SLC26A7: variants seen among roughly 807,000 people sequenced by gnomAD.
SLC26A7 encodes the protein anion exchange transporter.
SLC26A7 carries 59 observed loss-of-function variants against 82.5 expected under a neutral mutation model. That is an observed-to-expected ratio of 0.72 (90% confidence interval 0.58 to 0.89). SLC26A7 has a LOEUF of 0.89. Ranked by LOEUF, SLC26A7 falls within the 40% of genes least tolerant of loss-of-function variation. The pLI is 0.00. For missense variants in SLC26A7, 820 were observed against 793.0 expected, an observed-to-expected ratio of 1.03 and a Z score of -0.41; for synonymous variants, 271 against 274.3, an observed-to-expected ratio of 0.99 and a Z score of 0.12.
At chr8:91,372,687 TC>T (rs1226788597) in intron 15 of SLC26A7, among the ~76,000 whole-genome samples, 1 of 152,084 alleles carries the variant, frequency 6.6e-6, no homozygotes, top group Admixed American at 6.6e-5. Flanking sequence ...TTTATTCTTT[TC>T]CCTTTAGGGT....
intron 4 of SLC26A7, among the ~76,000 whole-genome samples, chr8:91,317,302 T>C (rs1426296670): frequency 6.6e-6 from 1 of 152,184 alleles, no homozygotes; most frequent in Non-Finnish European, 1.5e-5. Flanking sequence ...AGATGGAGGA[T>C]GTTGCTATGA....
intron 15 of SLC26A7, among the ~76,000 whole-genome samples, chr8:91,381,297 C>A (rs1814664445): frequency 6.6e-6 from 1 of 151,932 alleles, no homozygotes; most frequent in Admixed American, 6.6e-5. Flanking sequence ...AGTATAATAT[C>A]AATTGAATTA....
Position 91,331,771 on chromosome 8 carries a change from G to C in SLC26A7, c.643-2524G>C, listed in dbSNP as rs926430188. 1.3e-5 allele frequency among the ~76,000 whole-genome samples: 2 copies of C among 151,952 alleles called. 1 individual carries two copies. Among genetic ancestry groups the C allele is most frequent in the South Asian group, 4.1e-4 (2 of 4,824 alleles). On this transcript the variant is annotated intron_variant, in intron 5 of 18. Transcript: ENST00000276609. Reference sequence around the variant, plus strand: ...GTATTGCAACAATTTATACTCACAAGGGCATGTAAAAGAGTTCCCATTACT... The same window carrying C: ...GTATTGCAACAATTTATACTCACAACGGCATGTAAAAGAGTTCCCATTACT...
At chr8:91,286,102 G>T (rs1811702517) in intron 2 of SLC26A7, among the ~76,000 whole-genome samples, 1 of 152,124 alleles carries the variant, frequency 6.6e-6, no homozygotes, top group Non-Finnish European at 1.5e-5. Context: ...ATTATAGTAG[G>T]AGCAGAGCCA....
intron 7 of SLC26A7, among the ~76,000 whole-genome samples, chr8:91,339,434 G>A (rs1051619245): frequency 6.6e-6 from 1 of 152,092 alleles, no homozygotes. Flanking sequence ...TTCACCTTGT[G>A]ATGTTAAATA....
intron 4 of SLC26A7, among the ~76,000 whole-genome samples, chr8:91,311,825 A>G (rs1234283542): frequency 6.6e-6 from 1 of 152,074 alleles, no homozygotes; most frequent in African/African-American, 2.4e-5. Flanking sequence ...CAGGTAGGGG[A>G]ATTATTAACT....
chr8:91,390,970 G>T (rs1307746828), intron 16 of SLC26A7, among the ~76,000 whole-genome samples: 1 of 152,110 alleles, frequency 6.6e-6, no homozygotes, highest in East Asian at 1.9e-4. Context: ...GGATAGTCTT[G>T]TATTAGTTAC....
At chr8:91,308,966 T>A (rs2130795783) in intron 4 of SLC26A7, among the ~76,000 whole-genome samples, 1 of 152,242 alleles carries the variant, frequency 6.6e-6, no homozygotes, top group African/African-American at 2.4e-5. Flanking sequence ...AATCAGCCAT[T>A]TCTCTAAGGA....
chr8:91,214,415 T>A (rs537321362), intron 1 of SLC26A7, among the ~76,000 whole-genome samples: 1 of 152,192 alleles, frequency 6.6e-6, no homozygotes, highest in Admixed American at 6.6e-5. Context: ...TGAAAACATG[T>A]GCACTTTCCA....
intron 2 of SLC26A7, among the ~76,000 whole-genome samples, chr8:91,228,647 G>C: frequency 7.3e-6 from 1 of 136,934 alleles, no homozygotes; most frequent in Non-Finnish European, 1.6e-5. Flanking sequence ...GAAAGTGAGT[G>C]TATTGGAAAG....
In SLC26A7 at chr8:91,338,172, G is replaced by T. The variant is rs1194006085; in HGVS notation, c.818G>T (p.Cys273Phe). The stretch of plus-strand genomic sequence containing the variant: ...CAGATTATTGCTGCATCATTTGCTT[G>T]TTATTGCACCAATATGGAAAACACA... ...LVLIIAASFACYCTNMENTYG... is the reference protein window; with the variant it reads ...LVLIIAASFAFYCTNMENTYG... Residue 273 changes from cysteine to phenylalanine, a missense_variant, in exon 7 of 19, where the codon TGT becomes TTT. Cys to Phe is a radical substitution (Grantham distance 205, BLOSUM62 -2). Transcript: ENST00000276609. The T allele has an allele frequency of 6.2e-7, 1 of 1,610,496 alleles. No individual in the cohort carries two copies.
chr8:91,284,658 T>C (rs543911789), intron 2 of SLC26A7, among the ~76,000 whole-genome samples: 16 of 152,284 alleles, frequency 1.1e-4, no homozygotes, highest in African/African-American at 3.8e-4. Flanking sequence ...TGGATGAAAC[T>C]TTAACTCTTA....
At chr8:91,265,773 G>C (rs180761386) in intron 2 of SLC26A7, among the ~76,000 whole-genome samples, 8 of 151,698 alleles carry the variant, frequency 5.3e-5, no homozygotes, top group Non-Finnish European at 7.4e-5. Context: ...GTGTGCGCAC[G>C]CGCCTTTCTA....
At chr8:91,348,276 G>T in intron 9 of SLC26A7, 4 of 956,826 alleles carry the variant, frequency 4.2e-6, no homozygotes, top group Non-Finnish European at 5.0e-6. Flanking sequence ...CATCTCTTTT[G>T]CCATTTCACT....
chr8:91,220,405 G>T (rs1420930181), intron 2 of SLC26A7, among the ~76,000 whole-genome samples: 1 of 151,730 alleles, frequency 6.6e-6, no homozygotes, highest in African/African-American at 2.4e-5. Flanking sequence ...AAAAAACTGG[G>T]ATACATGTGC....
At chr8:91,236,928 TAAC>T (rs758817275) in intron 2 of SLC26A7, among the ~76,000 whole-genome samples, 3 of 152,232 alleles carry the variant, frequency 2.0e-5, no homozygotes, top group African/African-American at 4.8e-5. Context: ...GCTTACTCTG[TAAC>T]AACATTTGTG....
chr8:91,245,176 C>A (rs1810527449), upstream of SLC26A7, among the ~76,000 whole-genome samples: 1 of 152,008 alleles, frequency 6.6e-6, no homozygotes, highest in South Asian at 2.1e-4. Context: ...ATTAATTAGG[C>A]CTGAAGCTGA....
intron 16 of SLC26A7, among the ~76,000 whole-genome samples, chr8:91,391,246 A>G (rs1403245253): frequency 1.3e-5 from 2 of 152,218 alleles, no homozygotes; most frequent in Non-Finnish European, 2.9e-5. Flanking sequence ...TGGAAGTCAC[A>G]GCATAGTCCC....
chr8:91,318,084 T>C (rs1369380148), intron 4 of SLC26A7, 132 bp from the exon 5 acceptor site: 1 of 682,510 alleles, frequency 1.5e-6, no homozygotes, highest in African/African-American at 1.8e-5. Flanking sequence ...ATATACAATG[T>C]AACAAACTTG....
Sources: allele counts gnomAD v4.1 joint callset (sites outside exome capture counted in the v4.1 genomes callset), GRCh38; gene constraint gnomAD v4.1.1; transcripts MANE v1.5; gene names NCBI Gene and HGNC (gene_info 2026-07-23, HGNC 2026-07-21).